The following SCAF8 variants were observed in gnomAD, a reference collection of about 807,000 sequenced individuals.
The protein encoded by SCAF8 is SR-related and CTD-associated factor 8.
A neutral mutation model predicts 140.5 loss-of-function variants in SCAF8; 23 were observed. The ratio of observed to expected loss-of-function variants is 0.16; its 90% CI spans 0.12 to 0.23. SCAF8 has a LOEUF of 0.23. SCAF8 is among the 10% of genes least tolerant of loss of function. The pLI is 1.00. For synonymous variants in SCAF8, 575 were observed against 528.9 expected (o/e 1.09, Z -1.20); for missense variants, 1,397 against 1,555.7 (o/e 0.90, Z 1.72).
rs766434269 is a variant in SCAF8, at chr6:154,799,759, A to G, written c.607-2212A>G. 6.6e-5 allele frequency among the ~76,000 whole-genome samples: 10 copies of G among 150,972 alleles called. 1 individual carries two copies. Among genetic ancestry groups the G allele is most frequent in the Non-Finnish European group, 1.3e-4 (9 of 67,620 alleles). ...TCTTTGTTTAAATGTCACTTTAATA[A>G]GGCCTTCAGTGACTGCTATTTATTT... On this transcript the variant is annotated intron_variant, in intron 6 of 19. Coordinates refer to ENST00000367178, the MANE Select transcript of SCAF8 (RefSeq NM_014892.5).
intron 1 of SCAF8, among the ~76,000 whole-genome samples, chr6:154,745,640 T>C (rs1408013095): frequency 6.6e-6 from 1 of 152,146 alleles, no homozygotes; most frequent in Non-Finnish European, 1.5e-5. Context: ...TTACTGTCTT[T>C]CCTTTGTAAC....
intron 17 of SCAF8, among the ~76,000 whole-genome samples, chr6:154,826,147 A>G (rs2114686435): frequency 6.6e-6 from 1 of 152,258 alleles, no homozygotes; most frequent in African/African-American, 2.4e-5. Flanking sequence ...TTAATGTGTA[A>G]TTGGAAATTG....
At chr6:154,804,248 T>C (rs1344887291) in intron 8 of SCAF8, among the ~76,000 whole-genome samples, 1 of 152,148 alleles carries the variant, frequency 6.6e-6, no homozygotes, top group Non-Finnish European at 1.5e-5. Context: ...ACAGAAGTTA[T>C]TAGTTGTATA....
chr6:154,792,738 C>G (rs547734786), intron 4 of SCAF8, 85 bp from the exon 5 acceptor site: 1 of 879,746 alleles, frequency 1.1e-6, no homozygotes, highest in Non-Finnish European at 1.7e-6. Context: ...TCCTTTCCAT[C>G]CAGGGCCCAG....
intron 7 of SCAF8, 96 bp from the exon 8 acceptor site, chr6:154,803,448 A>T: frequency 1.3e-6 from 1 of 792,508 alleles, no homozygotes; most frequent in Admixed American, 2.0e-5. Flanking sequence ...TAAATGATAG[A>T]TATAACGGAA....
Position 154,820,257 on chromosome 6 carries a change from A to T in SCAF8, c.1716A>T (p.Pro572=), listed in dbSNP as rs777208463. Residue 572 remains proline, a synonymous_variant, in exon 15 of 20, where the codon CCA becomes CCT. Coordinates refer to ENST00000367178, the MANE Select transcript of SCAF8 (RefSeq NM_014892.5). ...TGGATCTTGGAGTTACATATATACCATGGGAAAAAGTTAAAGTGGATGACT... is the reference window on the plus strand; with the variant it reads ...TGGATCTTGGAGTTACATATATACCTTGGGAAAAAGTTAAAGTGGATGACT... The part of the protein sequence containing the change: ...WDVDLGVTYI[P]WEKVKVDDLE... 6.2e-7 allele frequency: 1 copy of T among 1,612,408 alleles called. No homozygotes were observed. The highest frequency in any genetic ancestry group is 1.1e-5 in the South Asian group (1 of 90,868).
chr6:154,750,583 A>C (rs1250216843), intron 1 of SCAF8, among the ~76,000 whole-genome samples: 1 of 152,228 alleles, frequency 6.6e-6, no homozygotes, highest in African/African-American at 2.4e-5. Flanking sequence ...TATGTAATTA[A>C]AACTTAAGTA....
At chr6:154,758,445 G>T (rs1050548145) in intron 1 of SCAF8, among the ~76,000 whole-genome samples, 5 of 152,112 alleles carry the variant, frequency 3.3e-5, no homozygotes. Context: ...TTGGGCAGTG[G>T]TTTACATGGA....
At position 154,832,777 on chromosome 6, in the gene SCAF8, T is replaced by A. The variant is rs1415101028; in HGVS notation, c.3198T>A (p.Asp1066Glu). ...GRDHFGRPPV[D>E]IRENLVRPGI... ...ATCATTTTGGAAGACCTCCTGTAGA[T>A]ATAAGAGAGAATCTTGTGAGGCCAG... The change falls in exon 20 of 20, where the codon GAT becomes GAA. Residue 1066 changes from aspartate (D) to glutamate (E), a missense_variant. Around this residue, in one of 5 missense-constraint regions of SCAF8, gnomAD observed 930 missense variants for 874.6 expected, o/e 1.06. Coordinates refer to ENST00000367178, the MANE Select transcript of SCAF8 (RefSeq NM_014892.5). 1 of 1,613,684 alleles carries A rather than the reference T, an allele frequency of 6.2e-7. No individual in the cohort carries two copies. The highest frequency in any genetic ancestry group is 8.5e-7 in the Non-Finnish European group (1 of 1,179,992).
intron 2 of SCAF8, among the ~76,000 whole-genome samples, chr6:154,776,232 G>C (rs1776912565): frequency 6.6e-6 from 1 of 150,916 alleles, no homozygotes; most frequent in Non-Finnish European, 1.5e-5. Context: ...TGACATTTTT[G>C]AAGCGTCTAG....
chr6:154,798,698 T>C (rs1354207408), intron 6 of SCAF8, among the ~76,000 whole-genome samples: 1 of 151,422 alleles, frequency 6.6e-6, no homozygotes, highest in Non-Finnish European at 1.5e-5. Flanking sequence ...TTCTCAATAC[T>C]TCAGGTAGCA....
At chr6:154,734,001 G>C in intron 1 of SCAF8, 71 bp downstream of exon 1, 1 of 1,445,356 alleles carries the variant, frequency 6.9e-7, no homozygotes, top group Non-Finnish European at 9.1e-7. Flanking sequence ...CCGGGGCCCG[G>C]AGGGTGGGCG....
At position 154,757,070 on chromosome 6, in the gene SCAF8, GGCTGGAGT is replaced by G. The variant is rs1284870831; in HGVS notation, c.31-16916_31-16909del. ...TTTTTGAGTCTCACTCTGTTGCCTAGGCTGGAGTGCGGTGGTGCAACCTCTGTCTTCTG... is the reference window on the plus strand; with the variant it reads ...TTTTTGAGTCTCACTCTGTTGCCTAGGCGGTGGTGCAACCTCTGTCTTCTG... On this transcript the variant is annotated intron_variant, in intron 1 of 19. Transcript: ENST00000367178. 2.6e-5 allele frequency among the ~76,000 whole-genome samples: 4 copies of G among 152,212 alleles called. No homozygotes were observed. In the East Asian group the frequency reaches 7.8e-4, roughly 30 times the overall value.
chr6:154,786,068 A>G (rs547028623), intron 3 of SCAF8, among the ~76,000 whole-genome samples: 68 of 152,230 alleles, frequency 4.5e-4, no homozygotes, highest in Non-Finnish European at 2.2e-4. Context: ...GCAATGGAGA[A>G]TGAGTAATTC....
At position 154,822,203 on chromosome 6, in the gene SCAF8, A is replaced by G. The variant is rs1160810954; in HGVS notation, c.1793-73A>G. ...GGTAGATGAAGGATTTAGATGTGAA[A>G]TAAATGAATACAAAGAAGAAAATGA... On this transcript the variant is annotated intron_variant, in intron 15 of 19. Transcript: ENST00000367178. 4.1e-6 allele frequency: 6 copies of G among 1,480,250 alleles called. No homozygotes were observed. The East Asian group carries it at 1.1e-4, about 28-fold the overall frequency. 91.7% of individuals were successfully genotyped at this position (1,480,250 alleles called of 1,614,324 possible).
chr6:154,770,386 ACACTCTCT>A (rs1337463135), intron 1 of SCAF8, among the ~76,000 whole-genome samples: 15 of 133,504 alleles, frequency 1.1e-4, no homozygotes, highest in Admixed American at 8.7e-4. Context: ...ACACACACAC[ACACTCTCT>A]CTCTCTCTCT....
intron 13 of SCAF8, among the ~76,000 whole-genome samples, chr6:154,817,380 C>G (rs753763136): frequency 1.5e-4 from 23 of 152,164 alleles, no homozygotes; most frequent in Non-Finnish European, 2.4e-4. Flanking sequence ...CCTTATCCCT[C>G]TCCTTTATTG....
chr6:154,795,026 G>A lies in SCAF8; in HGVS notation c.493G>A (p.Val165Ile), dbSNP rs565240676. Reference sequence around the variant, plus strand: ...TTTAAAAGGAACTCCTGTGACACCTGTTACTCCGGCCAATGTGGTCCAAGG... The same window carrying A: ...TTTAAAAGGAACTCCTGTGACACCTATTACTCCGGCCAATGTGGTCCAAGG... ...SNTPGTPVTP[V>I]TPANVVQGLP... The change falls in exon 6 of 20, where the codon GTT (valine) becomes ATT (isoleucine). Residue 165 changes from valine to isoleucine, a missense_variant. Physicochemically the swap from Val to Ile is conservative, Grantham distance 29. Coordinates refer to ENST00000367178, the MANE Select transcript of SCAF8 (RefSeq NM_014892.5). 1.2e-6 allele frequency: 2 copies of A among 1,606,088 alleles called. No homozygotes were observed. The highest frequency in any genetic ancestry group is 1.7e-6 in the Non-Finnish European group (2 of 1,177,636).
intron 1 of SCAF8, among the ~76,000 whole-genome samples, chr6:154,752,164 T>C (rs1433753568): frequency 6.6e-6 from 1 of 152,226 alleles, no homozygotes; most frequent in Non-Finnish European, 1.5e-5. Flanking sequence ...CTAGAGGCCT[T>C]TTAAAGCCTG....
Sources: allele counts gnomAD v4.1 joint callset (sites outside exome capture counted in the v4.1 genomes callset), GRCh38; gene constraint gnomAD v4.1.1; regional missense constraint gnomAD v4.1.1; transcripts MANE v1.5; gene names NCBI Gene and HGNC (gene_info 2026-07-23, HGNC 2026-07-21).